The following CDH12 variants were observed in gnomAD, a reference collection of about 807,000 sequenced individuals.
The protein encoded by CDH12 is cadherin-12.
Under a neutral mutation model 74.1 loss-of-function variants are expected in CDH12, and 41 were observed. The ratio of observed to expected loss-of-function variants is 0.55; its 90% CI spans 0.43 to 0.72. The LOEUF (loss-of-function observed/expected upper bound fraction) is 0.72. Among genes scored for constraint, CDH12 ranks in the 30% least tolerant of loss-of-function variants. CDH12 has a pLI of 0.00. For missense variants in CDH12, 945 were observed against 977.2 expected (o/e 0.97, Z 0.44); for synonymous variants, 399 against 355.0 (o/e 1.12, Z -1.39).
At chr5:22,235,827 C>G (rs950284465) in intron 3 of CDH12, among the ~76,000 whole-genome samples, 4 of 152,152 alleles carry the variant, frequency 2.6e-5, no homozygotes, top group African/African-American at 4.8e-5. Flanking sequence ...AGAACTTCAT[C>G]GTTAGGCAAT....
At chr5:22,345,044 T>A (rs140806040) in intron 3 of CDH12, among the ~76,000 whole-genome samples, 3 of 152,262 alleles carry the variant, frequency 2.0e-5, no homozygotes, top group Non-Finnish European at 1.5e-5. Context: ...GAACTTTGAT[T>A]TTTGAAACTT....
intron 3 of CDH12, among the ~76,000 whole-genome samples, chr5:22,331,600 T>C (rs1739355186): frequency 6.6e-6 from 1 of 152,152 alleles, no homozygotes; most frequent in Non-Finnish European, 1.5e-5. Flanking sequence ...GACCAGATAT[T>C]GATGAACATC....
At chr5:22,731,129 C>T (rs1181368683) in intron 1 of CDH12, among the ~76,000 whole-genome samples, 1 of 151,776 alleles carries the variant, frequency 6.6e-6, no homozygotes, top group Non-Finnish European at 1.5e-5. Flanking sequence ...TTAAAATCCT[C>T]TGTCTGACTT....
At chr5:22,076,535 T>C (rs1466133344) in intron 5 of CDH12, among the ~76,000 whole-genome samples, 1 of 152,156 alleles carries the variant, frequency 6.6e-6, no homozygotes, top group Non-Finnish European at 1.5e-5. Flanking sequence ...TTGAAATAAC[T>C]GATATCTATG....
chr5:22,374,582 C>T (rs537811382), intron 3 of CDH12, among the ~76,000 whole-genome samples: 10 of 152,100 alleles, frequency 6.6e-5, no homozygotes, highest in African/African-American at 1.4e-4. Flanking sequence ...CCACAAAACC[C>T]CTAGTTTTGA....
At chr5:22,059,980 T>C (rs1741073760) in intron 5 of CDH12, among the ~76,000 whole-genome samples, 2 of 152,140 alleles carry the variant, frequency 1.3e-5, no homozygotes, top group South Asian at 4.1e-4. Context: ...AGAGAGGTTA[T>C]ATTTATCAAG....
At chr5:22,673,163 A>G (rs1263039350) in intron 1 of CDH12, among the ~76,000 whole-genome samples, 1 of 152,150 alleles carries the variant, frequency 6.6e-6, no homozygotes, top group Non-Finnish European at 1.5e-5. Flanking sequence ...GAAACACATA[A>G]TTGATTTTAT....
intron 3 of CDH12, among the ~76,000 whole-genome samples, chr5:22,247,552 G>C (rs1752992644): frequency 6.6e-6 from 1 of 152,146 alleles, no homozygotes; most frequent in African/African-American, 2.4e-5. Flanking sequence ...GCGCGTGCCT[G>C]TAGTCCCAGC....
chr5:22,593,036 G>GAAA lies in CDH12; in HGVS notation c.-522-87675_-522-87673dup, dbSNP rs11420428. On this transcript the variant is annotated intron_variant, in intron 1 of 14. Transcript: ENST00000382254. ...CAGAGAGAGACTCCATCTCAAAAAA[G>GAAA]AAAAAAAAAAAAAAAAGGAAAAGGA... is the stretch of plus-strand genomic sequence containing the variant. 1.1e-4 allele frequency among the ~76,000 whole-genome samples: 12 copies of GAAA among 110,478 alleles called. No homozygotes were observed. In the South Asian group the frequency reaches 1.2e-3, roughly 11 times the overall value. 72.5% of individuals were successfully genotyped at this position (110,478 alleles called of 152,430 possible).
intron 1 of CDH12, among the ~76,000 whole-genome samples, chr5:22,677,160 T>C (rs577716036): frequency 4.3e-4 from 66 of 152,252 alleles, no homozygotes; most frequent in African/African-American, 1.5e-3. Context: ...TTGGTTTTAT[T>C]GATGCCACTG....
intron 5 of CDH12, among the ~76,000 whole-genome samples, chr5:22,007,328 G>A (rs957750680): frequency 3.3e-5 from 5 of 152,170 alleles, no homozygotes; most frequent in African/African-American, 1.2e-4. Flanking sequence ...TAGATTTCAA[G>A]TGTTCTCACT....
intron 5 of CDH12, among the ~76,000 whole-genome samples, chr5:22,066,428 C>T (rs144473218): frequency 8.7e-4 from 132 of 152,220 alleles, no homozygotes; most frequent in African/African-American, 3.0e-3. Context: ...TAGCTCTGAA[C>T]TAACATAAAT....
chr5:22,619,829 T>C (rs753769335), intron 1 of CDH12, among the ~76,000 whole-genome samples: 21 of 152,162 alleles, frequency 1.4e-4, no homozygotes, highest in Non-Finnish European at 2.8e-4. Context: ...CTTGCTTGTA[T>C]TGTATGATGT....
intron 6 of CDH12, among the ~76,000 whole-genome samples, chr5:21,971,716 G>T (rs1277359406): frequency 6.6e-6 from 1 of 152,112 alleles, no homozygotes; most frequent in African/African-American, 2.4e-5. Flanking sequence ...ATAATTTATT[G>T]TTGCTCTAGT....
chr5:22,851,380 C>T (rs1010907078), intron 1 of CDH12, among the ~76,000 whole-genome samples: 1 of 152,058 alleles, frequency 6.6e-6, no homozygotes, highest in Admixed American at 6.6e-5. Flanking sequence ...AAGAACACAG[C>T]AAGCAGAGAT....
At chr5:22,775,287 G>A (rs1026553799) in intron 1 of CDH12, among the ~76,000 whole-genome samples, 1 of 151,714 alleles carries the variant, frequency 6.6e-6, no homozygotes, top group Non-Finnish European at 1.5e-5. Flanking sequence ...AAGATACCAC[G>A]GTCAAAACTA....
intron 2 of CDH12, among the ~76,000 whole-genome samples, chr5:22,448,667 T>G (rs1355642468): frequency 1.3e-5 from 2 of 152,098 alleles, no homozygotes; most frequent in African/African-American, 2.4e-5. Context: ...AAGTTTATAG[T>G]TAAAGAGCAG....
At chr5:22,698,099 T>G (rs1742474001) in intron 1 of CDH12, among the ~76,000 whole-genome samples, 1 of 147,082 alleles carries the variant, frequency 6.8e-6, no homozygotes, top group South Asian at 2.2e-4. Context: ...TTACATTCCC[T>G]TAATGCCCGC....
At position 22,499,651 on chromosome 5, in the gene CDH12, C is replaced by T. The variant is rs369481811; in HGVS notation, c.-428+5619G>A. On this transcript the variant is annotated intron_variant, in intron 2 of 14. Transcript: ENST00000382254. Reference sequence around the variant, plus strand: ...TTGAACTAGAGGAGCATATTATTGCCTGCTAAATGGAAAAGATGGTTATTC... The same window carrying T: ...TTGAACTAGAGGAGCATATTATTGCTTGCTAAATGGAAAAGATGGTTATTC... Among the ~76,000 whole-genome samples, 45 of 152,166 alleles carry T rather than the reference C, an allele frequency of 3.0e-4. No homozygotes were observed. In the East Asian group the frequency reaches 3.1e-3, roughly 10 times the overall value.
Sources: gnomAD v4.1 joint callset for allele counts (sites outside exome capture counted in the v4.1 genomes callset) on GRCh38, gnomAD v4.1.1 for gene constraint, MANE v1.5 for transcripts, NCBI Gene and HGNC (gene_info 2026-07-23, HGNC 2026-07-21) for gene names.